Variants in CDHR5 observed in about 807,000 individuals in gnomAD.
CDHR5 encodes the protein cadherin related family member 5, also known as cadherin-related family member 5.
CDHR5 carries 82 observed loss-of-function variants against 69.5 expected under a neutral mutation model. The ratio of observed to expected loss-of-function variants is 1.18; its 90% CI spans 0.99 to 1.42. CDHR5 has a LOEUF of 1.42. Ranked by LOEUF, CDHR5 falls within the 40% of genes most tolerant of loss-of-function variation. The pLI, the probability that CDHR5 is intolerant of heterozygous loss-of-function variation, is 0.00. For missense variants in CDHR5, 1,293 were observed against 1,168.9 expected (o/e 1.11, Z -1.55); for synonymous variants, 601 against 510.2 (o/e 1.18, Z -2.40).
Position 624,615 on chromosome 11 carries a change from G to A in CDHR5, c.203C>T (p.Pro68Leu). Residue 68 changes from proline to leucine, a missense_variant, in exon 2 of 15, where the codon CCC (proline) becomes CTC (leucine). By Grantham distance (98) the Pro-to-Leu change is moderately conservative. Transcript: ENST00000397542. The surrounding 1 kb of genome is among the most constrained non-coding windows in gnomAD (Gnocchi z 5.3). ...QEVTLGALSTPFAFRIQGNQL... is the reference protein window; with the variant it reads ...QEVTLGALSTLFAFRIQGNQL... ...GTTTCCCTGGATCCGAAATGCAAAG[G>A]GGGTGGACAAGGCTCCGAGGGTCAC... 1 of 1,612,858 alleles carries A rather than the reference G, an allele frequency of 6.2e-7. No individual in the cohort carries two copies. The highest frequency in any genetic ancestry group is 8.5e-7 in the Non-Finnish European group (1 of 1,179,106).
chr11:619,050 A>T lies in CDHR5; in HGVS notation c.1509T>A (p.His503Gln). The change falls in exon 13 of 15, where the codon CAT becomes CAA. Residue 503 changes from histidine to glutamine, a missense_variant. Transcript: ENST00000397542. ...TTSSGGGTGP[H>Q]PPSGTTLRPP... is the part of the protein sequence containing the mutation. ...GCCTCAGAGTTGTGCCAGAGGGTGG[A>T]TGAGGGCCTGTGCCTCCCCCAGAGC... is the stretch of plus-strand genomic sequence containing the variant. 6.2e-7 allele frequency: 1 copy of T among 1,612,898 alleles called. No homozygotes were observed.
At position 619,086 on chromosome 11, in the gene CDHR5, G is replaced by T. The variant is rs780146880; in HGVS notation, c.1473C>A (p.Pro491=). The T allele has an allele frequency of 1.2e-6, 2 of 1,611,718 alleles. No homozygotes were observed. Among genetic ancestry groups the T allele is most frequent in the East Asian group, 2.2e-5 (1 of 44,844 alleles). The change falls in exon 13 of 15, where the codon CCC becomes CCA. Residue 491 remains proline (P), a synonymous_variant. Coordinates refer to ENST00000397542, the MANE Select transcript of CDHR5 (RefSeq NM_021924.5). ...VPRPPEPSQG[P]STTSSGGGTG... ...TGCCTCCCCCAGAGCTGGTCGTGGA[G>T]GGTCCCTGGGAGGGCTCAGGGGGTC...
In CDHR5 at chr11:619,567, T is replaced by C. The variant is rs1326748373; in HGVS notation, c.1200A>G (p.Thr400=). ...PEFSDLNSAI[T]YRITNHSHFR... Reference sequence around the variant, plus strand: ...AGTGTGAGTGGTTGGTAATTCGATATGTGATGGCCGAGTTGAGGTCCTGGA... The same window carrying C: ...AGTGTGAGTGGTTGGTAATTCGATACGTGATGGCCGAGTTGAGGTCCTGGA... The change falls in exon 11 of 15, where the codon ACA becomes ACG. Residue 400 remains threonine, a synonymous_variant. Coordinates refer to ENST00000397542, the MANE Select transcript of CDHR5 (RefSeq NM_021924.5). 2 of 1,613,676 alleles carry C rather than the reference T, an allele frequency of 1.2e-6. No homozygotes were observed. The highest frequency in any genetic ancestry group is 1.7e-5 in the Admixed American group (1 of 59,988).
In CDHR5 at chr11:621,959, C is replaced by T; in HGVS notation, c.313-55G>A. On this transcript the variant is annotated intron_variant, in intron 3 of 14. Transcript: ENST00000397542. This position sits in a 1 kb window ranked among gnomAD's most constrained non-coding sequence, Gnocchi z 4.4. The stretch of plus-strand genomic sequence containing the variant: ...CAGCCCCTCCCCGTTGTGAGGTGCA[C>T]CCCTCGACGGCTATCCGTCCCCACC... The T allele has an allele frequency of 1.4e-6, 2 of 1,399,362 alleles. No individual in the cohort carries two copies. Among genetic ancestry groups the T allele is most frequent in the East Asian group, 2.3e-5 (1 of 43,316 alleles). The allele number at this position is 1,399,362 out of a possible 1,614,324, so 86.7% of individuals were successfully genotyped here.
intron 7 of CDHR5, 98 bp downstream of exon 7, chr11:620,982 G>T: frequency 1.5e-6 from 1 of 682,270 alleles, no homozygotes; most frequent in South Asian, 2.7e-5. Flanking sequence ...CCCACCCCCT[G>T]ACCCCGACCC....
In CDHR5 at chr11:618,910, G is replaced by A. The variant is rs148641095; in HGVS notation, c.1649C>T (p.Pro550Leu). 3.0e-5 allele frequency: 48 copies of A among 1,608,616 alleles called. No homozygotes were observed. Among genetic ancestry groups the A allele is most frequent in the South Asian group, 1.9e-4 (17 of 90,946 alleles). ...AQTPKPGTSQPMPPGVGTSTS... is the reference protein window; with the variant it reads ...AQTPKPGTSQLMPPGVGTSTS... ...GCTGGTTCCCACACCGGGGGGCATC[G>A]GCTGAGAGGTTCCTGGCTTTGGGGT... Residue 550 changes from proline (P) to leucine (L), a missense_variant, in exon 13 of 15, where the codon CCG becomes CTG. Physicochemically the swap from Pro to Leu is moderately conservative, Grantham distance 98. Transcript: ENST00000397542.
At chr11:623,734 C>T (rs539142942) in intron 3 of CDHR5, among the ~76,000 whole-genome samples, 1 of 151,964 alleles carries the variant, frequency 6.6e-6, no homozygotes, top group Admixed American at 6.6e-5. Context: ...GGACTGGGGC[C>T]AGCAAAGGGC....
Position 619,195 on chromosome 11 carries a change from C to G in CDHR5, c.1379-15G>C. 6.6e-7 allele frequency: 1 copy of G among 1,505,370 alleles called. No homozygotes were observed. The highest frequency in any genetic ancestry group is 9.0e-7 in the Non-Finnish European group (1 of 1,114,194). 93.3% of individuals were successfully genotyped at this position (1,505,370 alleles called of 1,614,324 possible). On this transcript the variant is annotated splice_polypyrimidine_tract_variant and intron_variant, in intron 12 of 14. Coordinates refer to ENST00000397542, the MANE Select transcript of CDHR5 (RefSeq NM_021924.5). ...TGGGGGGACATCTGGGGGCCGGGAA[C>G]AGTGCTTGGGCTTGCCTCTGCCCGC... is the stretch of plus-strand genomic sequence containing the variant.
chr11:619,655 G>A lies in CDHR5; in HGVS notation c.1179+26C>T, dbSNP rs746410587. ...CGTACAGCCCTGACCCACCCACAGA[G>A]GGGAGGCCTTGGATGCACTCTCTAC... On this transcript the variant is annotated intron_variant, in intron 10 of 14. Transcript: ENST00000397542. 8 of 1,611,444 alleles carry A rather than the reference G, an allele frequency of 5.0e-6. No homozygotes were observed. The South Asian group carries it at 6.6e-5, about 13-fold the overall frequency.
chr11:619,633 A>G (rs1441851333), intron 10 of CDHR5, 46 bp from the exon 11 acceptor site: 1 of 1,607,554 alleles, frequency 6.2e-7, no homozygotes, highest in African/African-American at 1.3e-5. Flanking sequence ...CCTCCCACGT[A>G]CAGCCCTGAC....
chr11:621,697 T>G lies in CDHR5; in HGVS notation c.406-34A>C. 1 of 1,568,300 alleles carries G rather than the reference T, an allele frequency of 6.4e-7. No homozygotes were observed. The highest frequency in any genetic ancestry group is 8.8e-7 in the Non-Finnish European group (1 of 1,139,050). On this transcript the variant is annotated intron_variant, in intron 4 of 14. Transcript: ENST00000397542. The surrounding 1 kb of genome is among the most constrained non-coding windows in gnomAD (Gnocchi z 4.4). ...GGAGAGGGGCTTGGTCCGGCCACAC[T>G]CTTGGCCCCTGTGGACCCCCACTGT...
rs867136418 is a variant in CDHR5, at chr11:624,954, C to T, written c.-52G>A. 7.1e-6 allele frequency: 10 copies of T among 1,411,594 alleles called. No homozygotes were observed. The Middle Eastern group carries it at 2.0e-3, about 284-fold the overall frequency. 87.4% of individuals were successfully genotyped at this position (1,411,594 alleles called of 1,614,324 possible). A position where few individuals can be genotyped will look rare whatever the true frequency, so the allele number is the denominator to read the frequency against. On this transcript the variant is annotated 5_prime_UTR_variant, in exon 1 of 15. Transcript: ENST00000397542. This position sits in a 1 kb window ranked among gnomAD's most constrained non-coding sequence, Gnocchi z 5.3. ...GTCTGAGCGGGTCTGGCGTCTAGGA[C>T]TGGCGCAGTTCCTACCTCAGCGACC...
chr11:617,909 A>T, intron 14 of CDHR5, 45 bp downstream of exon 14: 1 of 1,577,762 alleles, frequency 6.3e-7, no homozygotes, highest in South Asian at 1.1e-5. Flanking sequence ...CCCGTCCCCC[A>T]CTTCCTGCCT....
Position 620,153 on chromosome 11 carries a change from C to T in CDHR5, c.892G>A (p.Gly298Ser). ...GAGTCTGGGTGGATGATGAATGTACCATTCACGTTTCCTGGGAGGATGATG... is the reference window on the plus strand; with the variant it reads ...GAGTCTGGGTGGATGATGAATGTACTATTCACGTTTCCTGGGAGGATGATG... The part of the protein sequence containing the change: ...IYSIFRGNVN[G>S]TFIIHPDSGN... The change falls in exon 9 of 15, where the codon GGT becomes AGT. Residue 298 changes from glycine to serine, a missense_variant. Coordinates refer to ENST00000397542, the MANE Select transcript of CDHR5 (RefSeq NM_021924.5). 6.2e-7 allele frequency: 1 copy of T among 1,613,560 alleles called. No individual in the cohort carries two copies. Among genetic ancestry groups the T allele is most frequent in the Non-Finnish European group, 8.5e-7 (1 of 1,179,682 alleles).
rs959008686 is a variant in CDHR5 at position 620,968 on chromosome 11, C to T, written c.789+112G>A. On this transcript the variant is annotated intron_variant, in intron 7 of 14. Coordinates refer to ENST00000397542, the MANE Select transcript of CDHR5 (RefSeq NM_021924.5). ...TTTGTTTCAAAATCACGACCGAAATCGGCCCCACCCCCTGACCCCGACCCC... is the reference window on the plus strand; with the variant it reads ...TTTGTTTCAAAATCACGACCGAAATTGGCCCCACCCCCTGACCCCGACCCC... The T allele has an allele frequency of 7.1e-5, 50 of 705,820 alleles. No homozygotes were observed. The South Asian group carries it at 1.1e-3, about 15-fold the overall frequency. 43.7% of individuals were successfully genotyped at this position (705,820 alleles called of 1,614,324 possible).
rs756499551 is a variant in CDHR5, at chr11:624,810, G to A, written c.85+8C>T. On this transcript the variant is annotated splice_region_variant and intron_variant, in intron 1 of 14. Transcript: ENST00000397542. The surrounding 1 kb of genome is among the most constrained non-coding windows in gnomAD (Gnocchi z 5.3). ...GCCCGTGCCCCACCTACCCCTGCCC[G>A]CACATACACTGGGCCTGGGCCATGG... The A allele has an allele frequency of 2.4e-5, 38 of 1,608,714 alleles. No homozygotes were observed. Among genetic ancestry groups the A allele is most frequent in the Non-Finnish European group, 2.9e-5 (34 of 1,177,730 alleles).
At position 617,346 on chromosome 11, in the gene CDHR5, GCCACTTAGATGTAGGAGTCATCA is replaced by G. The variant is rs757886018; in HGVS notation, c.2520_*4del. The G allele has an allele frequency of 6.3e-7, 1 of 1,585,348 alleles. No individual in the cohort carries two copies. The highest frequency in any genetic ancestry group is 1.1e-5 in the South Asian group (1 of 89,678). On this transcript the variant is annotated stop_lost and 3_prime_UTR_variant, in exon 15 of 15. Transcript: ENST00000397542. ...TGCGGCTGGGGGAGAGGGTGGAGGG[GCCACTTAGATGTAGGAGTCATCA>G]CCACCGGGCGCATCGTAGGGACCCC...
rs2740375 is a variant in CDHR5 at position 618,998 on chromosome 11, G to A, written c.1561C>T (p.Pro521Ser). ...GAGGTGCTGTTTTCTGCACCCGGGGGCCCCCCGGGTGTGGACGAGGTTGGT... is the reference window on the plus strand; with the variant it reads ...GAGGTGCTGTTTTCTGCACCCGGGGACCCCCCGGGTGTGGACGAGGTTGGT... ...RPPTSSTPGG[P>S]PGAENSTSHQ... Residue 521 changes from proline (P) to serine (S), a missense_variant, in exon 13 of 15, where the codon CCC (proline) becomes TCC (serine). Pro to Ser is a moderately conservative substitution (Grantham distance 74). Coordinates refer to ENST00000397542, the MANE Select transcript of CDHR5 (RefSeq NM_021924.5). The A allele has an allele frequency of 0.54, 876,369 of 1,612,530 alleles. 242,696 individuals are homozygous for A. Among genetic ancestry groups the A allele is most frequent in the East Asian group, 0.73 (32,529 of 44,740 alleles).
chr11:621,704 C>T lies in CDHR5; in HGVS notation c.406-41G>A. On this transcript the variant is annotated intron_variant, in intron 4 of 14. Transcript: ENST00000397542. This position sits in a 1 kb window ranked among gnomAD's most constrained non-coding sequence, Gnocchi z 4.4. ...GGCTTGGTCCGGCCACACTCTTGGC[C>T]CCTGTGGACCCCCACTGTGGTTGAG... 6.4e-7 allele frequency: 1 copy of T among 1,556,960 alleles called. No homozygotes were observed. The highest frequency in any genetic ancestry group is 1.7e-5 in the Admixed American group (1 of 59,864).
Sources: gnomAD v4.1 joint callset for allele counts (sites outside exome capture counted in the v4.1 genomes callset) on GRCh38, gnomAD v4.1.1 for gene constraint, Gnocchi (gnomAD v3.1) non-coding constraint, MANE v1.5 for transcripts, NCBI Gene and HGNC (gene_info 2026-07-23, HGNC 2026-07-21) for gene names.